The following ZBTB5 variants were observed in gnomAD, a reference collection of about 807,000 sequenced individuals.
ZBTB5 encodes zinc finger and BTB domain containing 5.
A neutral mutation model predicts 37.9 loss-of-function variants in ZBTB5; 15 were observed. The observed-to-expected ratio is 0.40, with a 90% CI of 0.26 to 0.61. ZBTB5 has a LOEUF of 0.61. Ranked by LOEUF, ZBTB5 falls within the 20% of genes least tolerant of loss-of-function variation. The pLI is 0.47. For missense variants in ZBTB5, 708 were observed against 856.8 expected, an observed-to-expected ratio of 0.83 and a Z score of 2.17; for synonymous variants, 315 against 312.4, an observed-to-expected ratio of 1.01 and a Z score of -0.09.
In ZBTB5 at chr9:37,441,563, T is replaced by A; in HGVS notation, c.989A>T (p.Lys330Ile). 6.2e-7 allele frequency: 1 copy of A among 1,612,820 alleles called. No individual in the cohort carries two copies. The highest frequency in any genetic ancestry group is 8.5e-7 in the Non-Finnish European group (1 of 1,179,868). ...GEKEHMRVVVKSEPLSSPEPQ... is the reference protein window; with the variant it reads ...GEKEHMRVVVISEPLSSPEPQ... ...CTCAGGTGAGCTCAGGGGCTCAGATTTAACCACCACTCTCATGTGCTCCTT... is the reference window on the plus strand; with the variant it reads ...CTCAGGTGAGCTCAGGGGCTCAGATATAACCACCACTCTCATGTGCTCCTT... The change falls in exon 2 of 2, where the codon AAA (lysine) becomes ATA (isoleucine). Residue 330 changes from lysine (K) to isoleucine (I), a missense_variant. Transcript: ENST00000307750.
intron 1 of ZBTB5, among the ~76,000 whole-genome samples, chr9:37,455,144 AC>A (rs1295604948): frequency 6.6e-6 from 1 of 151,970 alleles, no homozygotes; most frequent in African/African-American, 2.4e-5. Context: ...TAAACCCCAA[AC>A]CCCAGGTTCC....
intron 1 of ZBTB5, among the ~76,000 whole-genome samples, chr9:37,447,385 A>G (rs1383605147): frequency 6.6e-6 from 1 of 152,234 alleles, no homozygotes; most frequent in Admixed American, 6.5e-5. Flanking sequence ...GAGCCAAGCC[A>G]TATCACCCAG....
At chr9:37,443,491 C>G (rs532863796) in intron 1 of ZBTB5, among the ~76,000 whole-genome samples, 10 of 152,274 alleles carry the variant, frequency 6.6e-5, no homozygotes, top group Middle Eastern at 6.8e-3. Context: ...AAATCCTAAA[C>G]TGGGCAGCGG....
At chr9:37,446,923 T>C (rs1824001688) in intron 1 of ZBTB5, among the ~76,000 whole-genome samples, 1 of 152,210 alleles carries the variant, frequency 6.6e-6, no homozygotes, top group Admixed American at 6.5e-5. Flanking sequence ...TGGGAAGTTG[T>C]ACAAGACTCA....
chr9:37,459,099 C>T (rs939066868), intron 1 of ZBTB5, among the ~76,000 whole-genome samples: 3 of 152,122 alleles, frequency 2.0e-5, no homozygotes, highest in Admixed American at 1.3e-4. Context: ...AATGCAGAAG[C>T]ATTTAATGGA....
intron 1 of ZBTB5, among the ~76,000 whole-genome samples, chr9:37,455,445 C>T (rs761634908): frequency 1.3e-5 from 2 of 152,194 alleles, no homozygotes; most frequent in African/African-American, 4.8e-5. Context: ...GGACAAGAAC[C>T]CAAATACCAA....
At position 37,439,867 on chromosome 9, in the gene ZBTB5, A is replaced by G. The variant is rs1204611202; in HGVS notation, c.*651T>C. 2.0e-5 allele frequency: 3 copies of G among 152,822 alleles called. No individual in the cohort carries two copies. The highest frequency in any genetic ancestry group is 4.4e-5 in the Non-Finnish European group (3 of 68,182). 9.5% of individuals were successfully genotyped at this position (152,822 alleles called of 1,614,324 possible). ...TTAAACCAGAAAAAACTGTTAAAAC[A>G]TCTATCCAACAGTGATGTATTCAAA... is the stretch of plus-strand genomic sequence containing the variant. On this transcript the variant is annotated 3_prime_UTR_variant, in exon 2 of 2. Transcript: ENST00000307750.
At position 37,441,711 on chromosome 9, in the gene ZBTB5, C is replaced by T; in HGVS notation, c.841G>A (p.Gly281Ser). Reference protein sequence around the residue: ...QVPSQSDNSAGNMAQLSMASR... With the variant: ...QVPSQSDNSASNMAQLSMASR... Reference sequence around the variant, plus strand: ...GCCATGGACAACTGTGCCATGTTGCCAGCACTGTTATCAGACTGGCTGGGC... The same window carrying T: ...GCCATGGACAACTGTGCCATGTTGCTAGCACTGTTATCAGACTGGCTGGGC... Residue 281 changes from glycine (G) to serine (S), a missense_variant, in exon 2 of 2, where the codon GGC (glycine) becomes AGC (serine). Gly to Ser is a moderately conservative substitution (Grantham distance 56). This residue lies in a region of ZBTB5 where 639 missense variants were observed against 690.5 expected (regional missense o/e 0.93). Coordinates refer to ENST00000307750, the MANE Select transcript of ZBTB5 (RefSeq NM_014872.3). The T allele has an allele frequency of 1.2e-6, 2 of 1,613,964 alleles. No individual in the cohort carries two copies. The highest frequency in any genetic ancestry group is 1.3e-5 in the African/African-American group (1 of 74,988).
At chr9:37,462,771 C>A (rs1047190849) in intron 1 of ZBTB5, among the ~76,000 whole-genome samples, 5 of 152,034 alleles carry the variant, frequency 3.3e-5, no homozygotes, top group Non-Finnish European at 7.4e-5. Context: ...ACCATGTTGG[C>A]CAGATTGGTC....
At chr9:37,448,146 A>G (rs1824029411) in intron 1 of ZBTB5, among the ~76,000 whole-genome samples, 1 of 152,210 alleles carries the variant, frequency 6.6e-6, no homozygotes, top group African/African-American at 2.4e-5. Flanking sequence ...ACTGGAAGAC[A>G]GGCAAACAGT....
In ZBTB5 at chr9:37,441,240, A is replaced by T. The variant is rs1823867344; in HGVS notation, c.1312T>A (p.Cys438Ser). Residue 438 changes from cysteine (C) to serine (S), a missense_variant, in exon 2 of 2, where the codon TGC becomes AGC. Coordinates refer to ENST00000307750, the MANE Select transcript of ZBTB5 (RefSeq NM_014872.3). Reference sequence around the variant, plus strand: ...TAGGGGGCCTCACTCTCCAGCCTGCAGTCACTAGTGGTGTTTGGAATATTA... The same window carrying T: ...TAGGGGGCCTCACTCTCCAGCCTGCTGTCACTAGTGGTGTTTGGAATATTA... The part of the protein sequence containing the change: ...DDNIPNTTSD[C>S]RLESEAPYLL... 1 of 1,614,210 alleles carries T rather than the reference A, an allele frequency of 6.2e-7. No individual in the cohort carries two copies. Among genetic ancestry groups the T allele is most frequent in the Non-Finnish European group, 8.5e-7 (1 of 1,180,042 alleles).
chr9:37,445,448 C>A (rs2118937619), intron 1 of ZBTB5, among the ~76,000 whole-genome samples: 1 of 152,114 alleles, frequency 6.6e-6, no homozygotes, highest in East Asian at 1.9e-4. Context: ...AGTTCAAGAC[C>A]AGCCTGGGCA....
intron 1 of ZBTB5, among the ~76,000 whole-genome samples, chr9:37,444,267 C>T (rs1264574856): frequency 1.3e-5 from 2 of 152,094 alleles, no homozygotes; most frequent in Non-Finnish European, 2.9e-5. Context: ...GGCGCAATGT[C>T]GGCTCACTGC....
rs1823852310 is a variant in ZBTB5, at chr9:37,440,797, G to T, written c.1755C>A (p.Thr585=). The T allele has an allele frequency of 1.2e-6, 2 of 1,614,066 alleles. No homozygotes were observed. The highest frequency in any genetic ancestry group is 2.7e-5 in the African/African-American group (2 of 74,920). Residue 585 remains threonine, a synonymous_variant, in exon 2 of 2, where the codon ACC becomes ACA. Coordinates refer to ENST00000307750, the MANE Select transcript of ZBTB5 (RefSeq NM_014872.3). ...HPSQPGPPQL[T]RASADVLSKC... Reference sequence around the variant, plus strand: ...TTGACAGAACATCTGCAGATGCCCTGGTCAACTGTGGAGGGCCAGGCTGGG... The same window carrying T: ...TTGACAGAACATCTGCAGATGCCCTTGTCAACTGTGGAGGGCCAGGCTGGG...
chr9:37,442,540 A>G lies in ZBTB5; in HGVS notation c.12T>C (p.Pro4=), dbSNP rs761604142. MDF[P]GHFEQIFQQL... is the part of the protein sequence containing the mutation. ...GCTGGAAGATTTGTTCAAAGTGACC[A>G]GGAAAATCCATGATCCTACAGAAAA... Residue 4 remains proline, a synonymous_variant, in exon 2 of 2, where the codon CCT becomes CCC. Transcript: ENST00000307750. The G allele has an allele frequency of 3.1e-6, 5 of 1,600,686 alleles. No homozygotes were observed. The highest frequency in any genetic ancestry group is 4.3e-6 in the Non-Finnish European group (5 of 1,171,160).
chr9:37,460,450 T>C (rs369780448), intron 1 of ZBTB5, among the ~76,000 whole-genome samples: 1 of 151,140 alleles, frequency 6.6e-6, no homozygotes, highest in African/African-American at 2.4e-5. Context: ...CCCAAAAAAA[T>C]TAGGCCAGAT....
chr9:37,442,298 T>C lies in ZBTB5; in HGVS notation c.254A>G (p.Tyr85Cys), dbSNP rs2118933782. Residue 85 changes from tyrosine to cysteine, a missense_variant, in exon 2 of 2, where the codon TAT becomes TGT. Physicochemically the swap from Tyr to Cys is radical, Grantham distance 194. This residue lies in a region of ZBTB5 where 639 missense variants were observed against 690.5 expected (regional missense o/e 0.93). Coordinates refer to ENST00000307750, the MANE Select transcript of ZBTB5 (RefSeq NM_014872.3). ...EAFAALIDMMYTSTLMLGESN... is the reference protein window; with the variant it reads ...EAFAALIDMMCTSTLMLGESN... Reference sequence around the variant, plus strand: ...CTCCCCCAGCATGAGGGTGGAGGTATACATCATGTCAATCAGTGCAGCAAA... The same window carrying C: ...CTCCCCCAGCATGAGGGTGGAGGTACACATCATGTCAATCAGTGCAGCAAA... The C allele has an allele frequency of 6.2e-7, 1 of 1,614,120 alleles. No homozygotes were observed. The highest frequency in any genetic ancestry group is 8.5e-7 in the Non-Finnish European group (1 of 1,180,008).
chr9:37,447,243 A>C (rs558039944), intron 1 of ZBTB5, among the ~76,000 whole-genome samples: 1 of 152,286 alleles, frequency 6.6e-6, no homozygotes, highest in Non-Finnish European at 1.5e-5. Flanking sequence ...AGAAACTGTC[A>C]CTTATAAAAC....
chr9:37,452,163 A>G (rs1438473488), intron 1 of ZBTB5, among the ~76,000 whole-genome samples: 2 of 152,214 alleles, frequency 1.3e-5, no homozygotes, highest in Non-Finnish European at 2.9e-5. Context: ...AACAGTTTAG[A>G]GGTTAGAAGC....
Sources: allele counts gnomAD v4.1 joint callset (sites outside exome capture counted in the v4.1 genomes callset), GRCh38; gene constraint gnomAD v4.1.1; regional missense constraint gnomAD v4.1.1; transcripts MANE v1.5; gene names NCBI Gene and HGNC (gene_info 2026-07-23, HGNC 2026-07-21).